LRBA: variants seen among roughly 807,000 people sequenced by gnomAD.
LRBA encodes lipopolysaccharide-responsive and beige-like anchor protein.
In LRBA, 176 loss-of-function variants were observed where a neutral mutation model predicts 330.0. That is an observed-to-expected ratio of 0.53 (90% CI 0.47 to 0.60). The LOEUF is 0.60. Among genes scored for constraint, LRBA ranks in the 20% least tolerant of loss-of-function variants. The pLI, the probability that LRBA is intolerant of heterozygous loss-of-function variation, is 0.00. For missense variants in LRBA, 3,259 were observed against 3,444.8 expected, an observed-to-expected ratio of 0.95 and a Z score of 1.35; for synonymous variants, 1,230 against 1,193.0, an observed-to-expected ratio of 1.03 and a Z score of -0.64.
At chr4:150,840,259 T>C (rs1446689951) in intron 28 of LRBA, among the ~76,000 whole-genome samples, 2 of 152,258 alleles carry the variant, frequency 1.3e-5, no homozygotes, top group Non-Finnish European at 2.9e-5. Flanking sequence ...TTTAATTTCC[T>C]TTAAGAACTT....
chr4:150,888,371 T>C (rs1286216077), intron 17 of LRBA, among the ~76,000 whole-genome samples: 1 of 152,182 alleles, frequency 6.6e-6, no homozygotes, highest in African/African-American at 2.4e-5. Context: ...AAGTAGAAAC[T>C]TTTTTCTCTC....
chr4:150,639,373 G>GAAAAAAAAAAAAAAAA (rs1428774639), intron 37 of LRBA, among the ~76,000 whole-genome samples: 5 of 79,288 alleles, frequency 6.3e-5, no homozygotes, highest in Middle Eastern at 6.7e-3. Flanking sequence ...AAAAAAAAAA[G>GAAAAAAAAAAAAAAAA]AAAAAAAAAA....
chr4:150,541,995 T>A (rs1765366474), intron 40 of LRBA, among the ~76,000 whole-genome samples: 1 of 152,222 alleles, frequency 6.6e-6, no homozygotes, highest in East Asian at 1.9e-4. Context: ...GGAAAAATAC[T>A]TACAATATTT....
intron 28 of LRBA, among the ~76,000 whole-genome samples, chr4:150,842,158 A>G (rs1300762430): frequency 6.6e-6 from 1 of 152,214 alleles, no homozygotes; most frequent in Non-Finnish European, 1.5e-5. Context: ...GAATATTGTA[A>G]TATAATAACT....
At chr4:150,432,652 A>C (rs939069012) in intron 46 of LRBA, among the ~76,000 whole-genome samples, 9 of 151,628 alleles carry the variant, frequency 5.9e-5, no homozygotes, top group African/African-American at 2.2e-4. Context: ...TCACCGTGTT[A>C]GTCAGGATGG....
intron 40 of LRBA, among the ~76,000 whole-genome samples, chr4:150,496,944 A>G (rs1759660871): frequency 6.6e-6 from 1 of 152,126 alleles, no homozygotes; most frequent in Non-Finnish European, 1.5e-5. Flanking sequence ...AATATTCACT[A>G]TATCCCATTT....
chr4:150,809,187 A>C (rs548739976), intron 31 of LRBA, among the ~76,000 whole-genome samples: 18 of 152,296 alleles, frequency 1.2e-4, no homozygotes, highest in African/African-American at 4.1e-4. Flanking sequence ...TAATATGTGA[A>C]TGACAGTATA....
chr4:150,338,558 GTGTCCCTTA>G (rs1735048881), intron 48 of LRBA, among the ~76,000 whole-genome samples: 1 of 152,068 alleles, frequency 6.6e-6, no homozygotes. Flanking sequence ...ATCTGCCCTG[GTGTCCCTTA>G]TACAACAACT....
intron 56 of LRBA, among the ~76,000 whole-genome samples, chr4:150,271,186 C>T (rs527306490): frequency 7.2e-5 from 11 of 152,296 alleles, no homozygotes; most frequent in South Asian, 2.1e-4. Flanking sequence ...CCAGATACTG[C>T]GCTTTTCCCA....
intron 56 of LRBA, among the ~76,000 whole-genome samples, chr4:150,268,150 A>G (rs1745608303): frequency 6.6e-6 from 1 of 152,318 alleles, no homozygotes; most frequent in Admixed American, 6.5e-5. Flanking sequence ...CAGAGAGACT[A>G]TTAGAAACAA....
intron 18 of LRBA, 57 bp downstream of exon 18, chr4:150,872,606 A>T (rs1448481668): frequency 3.4e-6 from 4 of 1,183,480 alleles, no homozygotes; most frequent in Non-Finnish European, 5.0e-6. Flanking sequence ...TACTGCAAAG[A>T]TTTATAAAAT....
chr4:150,961,009 G>A (rs145791528), intron 2 of LRBA, among the ~76,000 whole-genome samples: 2 of 149,058 alleles, frequency 1.3e-5, no homozygotes, highest in Admixed American at 6.6e-5. Flanking sequence ...GGAACATGGC[G>A]CCACCTCTCT....
intron 42 of LRBA, among the ~76,000 whole-genome samples, chr4:150,474,640 T>C (rs1253235179): frequency 2.0e-5 from 3 of 152,184 alleles, no homozygotes; most frequent in Non-Finnish European, 4.4e-5. Flanking sequence ...TCTCCATTTA[T>C]TAAGGTCTAT....
chr4:150,380,982 CAAAAAAAAAAA>C (rs58528401), intron 47 of LRBA, among the ~76,000 whole-genome samples: 11 of 61,000 alleles, frequency 1.8e-4, no homozygotes, highest in Non-Finnish European at 2.4e-4. Context: ...AACTCCATCT[CAAAAAAAAAAA>C]AAAAAAAAAA....
intron 2 of LRBA, among the ~76,000 whole-genome samples, chr4:150,942,068 T>C (rs1735730084): frequency 6.6e-6 from 1 of 152,202 alleles, no homozygotes; most frequent in African/African-American, 2.4e-5. Flanking sequence ...GAAACAAATA[T>C]AAATTTTCAA....
At chr4:150,710,236 AG>A (rs781516694) in intron 36 of LRBA, among the ~76,000 whole-genome samples, 34 of 152,244 alleles carry the variant, frequency 2.2e-4, no homozygotes, top group Non-Finnish European at 4.0e-4. Flanking sequence ...GTGTGTAGTA[AG>A]GGAAAAAATG....
intron 40 of LRBA, among the ~76,000 whole-genome samples, chr4:150,533,320 A>G (rs1054351833): frequency 3.3e-5 from 5 of 151,882 alleles, no homozygotes; most frequent in South Asian, 2.1e-4. Flanking sequence ...AACTAGTCAC[A>G]TGTCACCACA....
At chr4:150,721,773 C>T (rs1947314) in intron 36 of LRBA, among the ~76,000 whole-genome samples, 122,046 of 151,992 alleles carry the variant, frequency 0.8, 51,287 homozygotes, top group Non-Finnish European at 0.94. Flanking sequence ...TGCTACCTCA[C>T]GCCTGGCTAA....
chr4:151,001,144 C>G (rs769677922), intron 2 of LRBA, among the ~76,000 whole-genome samples: 1 of 152,208 alleles, frequency 6.6e-6, no homozygotes, highest in Non-Finnish European at 1.5e-5. Flanking sequence ...GACAACCCAG[C>G]CCACAACAGA....
Sources: allele counts gnomAD v4.1 joint callset (sites outside exome capture counted in the v4.1 genomes callset), GRCh38; gene constraint gnomAD v4.1.1; transcripts MANE v1.5; gene names NCBI Gene and HGNC (gene_info 2026-07-23, HGNC 2026-07-21).